Variants in TRAPPC12 observed in about 807,000 individuals in gnomAD.
The protein encoded by TRAPPC12 is TPR repeat protein 15.
A neutral mutation model predicts 69.2 loss-of-function variants in TRAPPC12; 61 were observed. The observed-to-expected ratio is 0.88, with a 90% CI of 0.72 to 1.09. TRAPPC12 has a LOEUF of 1.09. Ranked by LOEUF, TRAPPC12 falls within the 50% of genes least tolerant of loss-of-function variation. TRAPPC12 has a pLI of 0.00. For synonymous variants in TRAPPC12, 469 were observed against 438.9 expected (o/e 1.07, Z -0.86); for missense variants, 1,101 against 1,016.4 (o/e 1.08, Z -1.13).
In TRAPPC12 at chr2:3,468,783, C is replaced by T. The variant is rs371813024; in HGVS notation, c.1776+3088C>T. ...AAAGCCGTGTCCCCACGCACGTATC[C>T]GGACACTCACACCCCACGCGCCAGC... is the stretch of plus-strand genomic sequence containing the variant. On this transcript the variant is annotated intron_variant, in intron 9 of 11. Coordinates refer to ENST00000324266, the MANE Select transcript of TRAPPC12 (RefSeq NM_016030.6). Among the ~76,000 whole-genome samples, 192 of 152,238 alleles carry T rather than the reference C, an allele frequency of 1.3e-3. 2 individuals carry two copies. The highest frequency in any genetic ancestry group is 6.8e-3 in the Middle Eastern group (2 of 294).
At chr2:3,473,164 G>A (rs946880501) in intron 9 of TRAPPC12, among the ~76,000 whole-genome samples, 23 of 150,188 alleles carry the variant, frequency 1.5e-4, no homozygotes, top group Admixed American at 1.4e-3. Context: ...AGGCCCTCGG[G>A]TTCTGCAGAG....
At chr2:3,412,614 G>A (rs1338959664) in intron 3 of TRAPPC12, among the ~76,000 whole-genome samples, 1 of 152,144 alleles carries the variant, frequency 6.6e-6, no homozygotes, top group Non-Finnish European at 1.5e-5. Flanking sequence ...TGCTCATCTT[G>A]CAATGAGCAA....
chr2:3,477,155 C>T (rs73910560), intron 9 of TRAPPC12, among the ~76,000 whole-genome samples: 4,190 of 152,322 alleles, frequency 0.028, 120 homozygotes, highest in South Asian at 0.095. Context: ...GGCTGCATTT[C>T]AGTCGGGCAG....
chr2:3,384,727 A>G (rs1660415805), intron 1 of TRAPPC12, among the ~76,000 whole-genome samples: 1 of 152,198 alleles, frequency 6.6e-6, no homozygotes, highest in Admixed American at 6.5e-5. Context: ...CCCTTTTAGT[A>G]TGGCCTTGTC....
chr2:3,427,688 C>G (rs917129429), intron 5 of TRAPPC12, among the ~76,000 whole-genome samples: 6 of 152,048 alleles, frequency 3.9e-5, no homozygotes, highest in Non-Finnish European at 8.8e-5. Flanking sequence ...GCCAGAAGTT[C>G]GAGACCAGCC....
chr2:3,435,524 C>A (rs1333980117), intron 5 of TRAPPC12, among the ~76,000 whole-genome samples: 1 of 152,132 alleles, frequency 6.6e-6, no homozygotes, highest in Non-Finnish European at 1.5e-5. Context: ...CCCCACCTCC[C>A]AAAAGCAGTA....
intron 1 of TRAPPC12, among the ~76,000 whole-genome samples, chr2:3,380,407 T>G (rs1420870788): frequency 6.6e-6 from 1 of 152,188 alleles, no homozygotes; most frequent in Non-Finnish European, 1.5e-5. Flanking sequence ...AATTGTAGAG[T>G]ATATTTACTG....
At chr2:3,454,289 C>T (rs1490869794) in intron 6 of TRAPPC12, among the ~76,000 whole-genome samples, 1 of 151,746 alleles carries the variant, frequency 6.6e-6, no homozygotes, top group Non-Finnish European at 1.5e-5. Flanking sequence ...GGGGTGTAGC[C>T]TGCCTGGTGT....
chr2:3,458,247 G>C, intron 7 of TRAPPC12: 6 of 987,644 alleles, frequency 6.1e-6, no homozygotes, highest in Non-Finnish European at 7.2e-6. Context: ...GCTGCAGCTC[G>C]GGGAGTGCGT....
At chr2:3,427,610 G>A (rs766035304) in intron 5 of TRAPPC12, among the ~76,000 whole-genome samples, 26 of 152,180 alleles carry the variant, frequency 1.7e-4, no homozygotes, top group Non-Finnish European at 2.9e-4. Flanking sequence ...CAGCTTGGCT[G>A]GGTACAGTGG....
intron 5 of TRAPPC12, among the ~76,000 whole-genome samples, chr2:3,433,240 A>G (rs1373930961): frequency 6.6e-6 from 1 of 152,232 alleles, no homozygotes; most frequent in Non-Finnish European, 1.5e-5. Flanking sequence ...CCAGACAGGC[A>G]GAGACAGTGG....
chr2:3,470,081 C>G (rs911870371), intron 9 of TRAPPC12, among the ~76,000 whole-genome samples: 1 of 152,102 alleles, frequency 6.6e-6, no homozygotes, highest in African/African-American at 2.4e-5. Context: ...TGCTGAGTCT[C>G]GGGGAGAAAG....
chr2:3,457,987 G>C (rs1034693949), intron 7 of TRAPPC12: 2 of 1,254,544 alleles, frequency 1.6e-6, no homozygotes, highest in Non-Finnish European at 2.0e-6. Flanking sequence ...GAGTGGGCGC[G>C]AGGAAGGAGC....
At chr2:3,449,086 A>C (rs1266779818) in intron 6 of TRAPPC12, 1 of 152,244 alleles carries the variant, frequency 6.6e-6, no homozygotes, top group Non-Finnish European at 1.5e-5. Flanking sequence ...TGATTGCATC[A>C]GTGAAGAAGA....
chr2:3,446,023 C>A (rs1021110053), intron 6 of TRAPPC12, among the ~76,000 whole-genome samples: 3 of 152,166 alleles, frequency 2.0e-5, no homozygotes, highest in Non-Finnish European at 4.4e-5. Context: ...TGGGGAGAAA[C>A]GAGAAGGGTT....
chr2:3,466,356 GA>G (rs1271708836), intron 9 of TRAPPC12: 1 of 471,212 alleles, frequency 2.1e-6, no homozygotes, highest in Admixed American at 2.3e-5. Flanking sequence ...GCTGAGCGGG[GA>G]GAAGCAGCAC....
In TRAPPC12 at chr2:3,465,628, C is replaced by T. The variant is rs114907951; in HGVS notation, c.1709C>T (p.Ser570Leu). ...DYVLAVEAYH[S>L]VIKYYPEQEP... ...GTGCTGGCCGTGGAGGCGTATCATT[C>T]GGTTATCAAGTATTACCCAGAGCAA... Residue 570 changes from serine to leucine, a missense_variant, in exon 9 of 12, where the codon TCG (serine) becomes TTG (leucine). Coordinates refer to ENST00000324266, the MANE Select transcript of TRAPPC12 (RefSeq NM_016030.6). The T allele has an allele frequency of 1.7e-3, 2,804 of 1,614,134 alleles. 5 individuals carry two copies. The highest frequency in any genetic ancestry group is 2.2e-3 in the Non-Finnish European group (2,571 of 1,179,976).
chr2:3,398,605 C>T (rs543141767), intron 2 of TRAPPC12, among the ~76,000 whole-genome samples: 11 of 152,314 alleles, frequency 7.2e-5, no homozygotes, highest in South Asian at 2.1e-4. Flanking sequence ...AAGGCCCATA[C>T]GCTTTCAGTC....
At chr2:3,440,580 T>C (rs2103095069) in intron 5 of TRAPPC12, among the ~76,000 whole-genome samples, 1 of 152,326 alleles carries the variant, frequency 6.6e-6, no homozygotes, top group South Asian at 2.1e-4. Flanking sequence ...GTTTTTGTTC[T>C]TTGAGATTGT....
Sources: gnomAD v4.1 joint callset for allele counts (sites outside exome capture counted in the v4.1 genomes callset) on GRCh38, gnomAD v4.1.1 for gene constraint, MANE v1.5 for transcripts, NCBI Gene and HGNC (gene_info 2026-07-23, HGNC 2026-07-21) for gene names.